Variants in ADAR observed in about 807,000 individuals in gnomAD.
ADAR encodes the protein adenosine deaminase RNA specific.
In ADAR, 41 loss-of-function variants were observed where a neutral mutation model predicts 113.2. That is an observed-to-expected ratio of 0.36 (90% CI 0.28 to 0.47). The LOEUF is 0.47. Ranked by LOEUF, ADAR falls within the 20% of genes least tolerant of loss-of-function variation. ADAR has a pLI of 1.00. For synonymous variants in ADAR, 605 were observed against 572.6 expected, an observed-to-expected ratio of 1.06 and a Z score of -0.81; for missense variants, 1,242 against 1,540.9, an observed-to-expected ratio of 0.81 and a Z score of 3.25.
Position 154,584,489 on chromosome 1 carries a change from A to C in ADAR, c.*317T>G, listed in dbSNP as rs886045335. On this transcript the variant is annotated 3_prime_UTR_variant, in exon 15 of 15. Transcript: ENST00000368474. ...AAGGGAAAGGAAATGGAAACAAATC[A>C]AAACAAAACTTTTAAGAGGAAATGG... 2.4e-5 allele frequency: 8 copies of C among 338,122 alleles called. No individual in the cohort carries two copies. The highest frequency in any genetic ancestry group is 4.4e-5 in the Non-Finnish European group (8 of 183,780). 20.9% of individuals were successfully genotyped at this position (338,122 alleles called of 1,614,324 possible).
Position 154,608,042 on chromosome 1 carries a change from G to C in ADAR, c.-36C>G. ...AGGCATTGCCCGGCCCGACCCGCCG[G>C]CGGCACGACCCTGGCCCGACCGCTG... On this transcript the variant is annotated 5_prime_UTR_variant, in exon 1 of 15. Transcript: ENST00000368474. 1 of 1,565,850 alleles carries C rather than the reference G, an allele frequency of 6.4e-7. No homozygotes were observed. Among genetic ancestry groups the C allele is most frequent in the Non-Finnish European group, 8.7e-7 (1 of 1,155,174 alleles).
intron 1 of ADAR, among the ~76,000 whole-genome samples, chr1:154,621,155 TAAAAC>T (rs1364768393): frequency 6.6e-6 from 1 of 152,288 alleles, no homozygotes; most frequent in Non-Finnish European, 1.5e-5. Context: ...TAAACATCCT[TAAAAC>T]AAAACATAGA....
At chr1:154,598,726 C>T (rs1477064221) in intron 2 of ADAR, 141 bp from the exon 3 acceptor site, 5 of 803,816 alleles carry the variant, frequency 6.2e-6, no homozygotes, top group Non-Finnish European at 1.0e-5. Flanking sequence ...CAAGGAACTC[C>T]TTCCTACTCC....
rs561179846 is a variant in ADAR, at chr1:154,604,268, T to A, written c.16-1642A>T. ...CTCCTGCTCTTTTCTGATGGTGACT[T>A]CCCTGTGTTTCTACAACTTCACTCC... On this transcript the variant is annotated intron_variant, in intron 1 of 14. Coordinates refer to ENST00000368474, the MANE Select transcript of ADAR (RefSeq NM_001111.5). Among the ~76,000 whole-genome samples, 17 of 152,354 alleles carry A rather than the reference T, an allele frequency of 1.1e-4. No homozygotes were observed. In the South Asian group the frequency reaches 3.5e-3, roughly 32 times the overall value.
intron 4 of ADAR, 29 bp downstream of exon 4, chr1:154,597,799 C>A: frequency 6.2e-7 from 1 of 1,613,888 alleles, no homozygotes; most frequent in Admixed American, 1.7e-5. Flanking sequence ...GAGAAAACCT[C>A]AGCTGGACAG....
chr1:154,601,012 C>A lies in ADAR; in HGVS notation c.1601+29G>T. Reference sequence around the variant, plus strand: ...GGAGCAAAAGCACCTGACCCCAACCCTAGGTACAGTTCCTGGGTGGTCTCT... The same window carrying A: ...GGAGCAAAAGCACCTGACCCCAACCATAGGTACAGTTCCTGGGTGGTCTCT... On this transcript the variant is annotated intron_variant, in intron 2 of 14. Transcript: ENST00000368474. This position sits in a 1 kb window ranked among gnomAD's most constrained non-coding sequence, Gnocchi z 4.7. The A allele has an allele frequency of 1.2e-6, 2 of 1,613,716 alleles. No homozygotes were observed. The highest frequency in any genetic ancestry group is 1.7e-6 in the Non-Finnish European group (2 of 1,180,030).
intron 11 of ADAR, among the ~76,000 whole-genome samples, chr1:154,587,691 T>G (rs891625891): frequency 1.3e-5 from 2 of 152,204 alleles, no homozygotes; most frequent in African/African-American, 4.8e-5. Context: ...CAGAGTCAAC[T>G]GCCAGCTAGA....
chr1:154,607,421 A>T (rs1227680924), intron 1 of ADAR, among the ~76,000 whole-genome samples: 1 of 152,190 alleles, frequency 6.6e-6, no homozygotes, highest in Non-Finnish European at 1.5e-5. Flanking sequence ...CCTACAGCTT[A>T]AGTGCCATTT....
intron 1 of ADAR, chr1:154,606,010 A>AT (rs1322784908): frequency 2.5e-5 from 23 of 937,828 alleles, no homozygotes; most frequent in South Asian, 4.9e-5. Flanking sequence ...TCACACGGTT[A>AT]TTTTTTTTCT....
At position 154,601,455 on chromosome 1, in the gene ADAR, G is replaced by A. The variant is rs1244706242; in HGVS notation, c.1187C>T (p.Thr396Ile). 1.2e-6 allele frequency: 2 copies of A among 1,614,084 alleles called. No homozygotes were observed. The highest frequency in any genetic ancestry group is 1.1e-5 in the South Asian group (1 of 91,086). Residue 396 changes from threonine to isoleucine, a missense_variant, in exon 2 of 15, where the codon ACA becomes ATA. Physicochemically the swap from Thr to Ile is moderately conservative, Grantham distance 89. Around this residue, in one of 2 missense-constraint regions of ADAR, gnomAD observed 462 missense variants for 483.1 expected, o/e 0.96. Coordinates refer to ENST00000368474, the MANE Select transcript of ADAR (RefSeq NM_001111.5). This position sits in a 1 kb window ranked among gnomAD's most constrained non-coding sequence, Gnocchi z 4.7. ...NAEFLTCNIP[T>I]SNASNNMVTT... Reference sequence around the variant, plus strand: ...TACCATGTTATTTGAGGCATTTGATGTGGGTATATTACAGGTGAGGAACTC... The same window carrying A: ...TACCATGTTATTTGAGGCATTTGATATGGGTATATTACAGGTGAGGAACTC...
chr1:154,602,348 ATG>A lies in ADAR; in HGVS notation c.292_293del (p.His98SerfsTer26). 1 of 1,608,930 alleles carries A rather than the reference ATG, an allele frequency of 6.2e-7. No homozygotes were observed. The highest frequency in any genetic ancestry group is 8.5e-7 in the Non-Finnish European group (1 of 1,177,298). ...VDIRGVPRGVHLRSQGLQRGF... is the reference protein window; with the variant it reads ...VDIRGVPRGVXLRSQGLQRGF... ...CTCTCTGGAGCCCCTGACTTCTGAG[ATG>A]CACGCCCCTGGGGACACCCCTGATG... On this transcript the variant is annotated frameshift_variant, in exon 2 of 15. Coordinates refer to ENST00000368474, the MANE Select transcript of ADAR (RefSeq NM_001111.5). LOFTEE classifies it high-confidence loss of function.
At chr1:154,585,637 G>C in intron 13 of ADAR, 116 bp downstream of exon 13, 2 of 997,482 alleles carry the variant, frequency 2.0e-6, no homozygotes, top group Non-Finnish European at 3.1e-6. Flanking sequence ...ATGTTCCCTT[G>C]TGGGCTACCA....
rs1696589285 is a variant in ADAR, at chr1:154,584,176, G to C, written c.*630C>G. On this transcript the variant is annotated 3_prime_UTR_variant, in exon 15 of 15. Coordinates refer to ENST00000368474, the MANE Select transcript of ADAR (RefSeq NM_001111.5). Reference sequence around the variant, plus strand: ...TGCAGCTGGCTAAAGTGCAGGATGGGAGGATGGCTGGGCATTATCTGCAGG... The same window carrying C: ...TGCAGCTGGCTAAAGTGCAGGATGGCAGGATGGCTGGGCATTATCTGCAGG... The C allele has an allele frequency of 6.6e-6, 1 of 152,590 alleles. No homozygotes were observed. Among genetic ancestry groups the C allele is most frequent in the Admixed American group, 6.5e-5 (1 of 15,318 alleles). The allele number at this position is 152,590 out of a possible 1,614,324, so 9.5% of individuals were successfully genotyped here.
chr1:154,601,465 T>C lies in ADAR; in HGVS notation c.1177A>G (p.Asn393Asp), dbSNP rs751288252. Residue 393 changes from asparagine (N) to aspartate (D), a missense_variant, in exon 2 of 15, where the codon AAT (asparagine) becomes GAT (aspartate). This residue lies in a region of ADAR where 462 missense variants were observed against 483.1 expected (regional missense o/e 0.96). Coordinates refer to ENST00000368474, the MANE Select transcript of ADAR (RefSeq NM_001111.5). This position sits in a 1 kb window ranked among gnomAD's most constrained non-coding sequence, Gnocchi z 4.7. ...TKRNAEFLTCNIPTSNASNNM... is the reference protein window; with the variant it reads ...TKRNAEFLTCDIPTSNASNNM... ...TTTGAGGCATTTGATGTGGGTATAT[T>C]ACAGGTGAGGAACTCTGCGTTTCTT... 1.9e-5 allele frequency: 30 copies of C among 1,614,096 alleles called. No individual in the cohort carries two copies. The Admixed American group carries it at 2.3e-4, about 13-fold the overall frequency.
At chr1:154,619,499 T>C (rs1698728899) in intron 1 of ADAR, among the ~76,000 whole-genome samples, 1 of 152,236 alleles carries the variant, frequency 6.6e-6, no homozygotes, top group African/African-American at 2.4e-5. Context: ...ATACTCCTGA[T>C]GATGTCTGAG....
Position 154,584,733 on chromosome 1 carries a change from A to C in ADAR, c.*73T>G. The C allele has an allele frequency of 7.8e-7, 1 of 1,274,058 alleles. No homozygotes were observed. The highest frequency in any genetic ancestry group is 1.1e-6 in the Non-Finnish European group (1 of 880,748). 78.9% of individuals were successfully genotyped at this position (1,274,058 alleles called of 1,614,324 possible). On this transcript the variant is annotated 3_prime_UTR_variant, in exon 15 of 15. Coordinates refer to ENST00000368474, the MANE Select transcript of ADAR (RefSeq NM_001111.5). ...GAAAAAAAAATCCCCTGACCATGTG[A>C]TGAGGAATGCTACGACCTACCTCTC... is the stretch of plus-strand genomic sequence containing the variant.
rs960699294 is a variant in ADAR, at chr1:154,583,971, T to C, written c.*835A>G. 2.6e-5 allele frequency: 4 copies of C among 152,246 alleles called. No individual in the cohort carries two copies. The highest frequency in any genetic ancestry group is 6.5e-5 in the Admixed American group (1 of 15,290). 9.4% of individuals were successfully genotyped at this position (152,246 alleles called of 1,614,324 possible). A position where few individuals can be genotyped will look rare whatever the true frequency, so the allele number is the denominator to read the frequency against. On this transcript the variant is annotated 3_prime_UTR_variant, in exon 15 of 15. Transcript: ENST00000368474. Reference sequence around the variant, plus strand: ...TTAGGAGAAGAGGCAGCTGGAAGCTTGGCAATATTCCAAGGCATGCCCGTG... The same window carrying C: ...TTAGGAGAAGAGGCAGCTGGAAGCTCGGCAATATTCCAAGGCATGCCCGTG...
intron 14 of ADAR, 66 bp from the exon 15 acceptor site, chr1:154,585,109 A>T: frequency 6.2e-7 from 1 of 1,611,792 alleles, no homozygotes; most frequent in Non-Finnish European, 8.5e-7. Flanking sequence ...CAGTGGAGAC[A>T]CCGTGGGAGG....
At chr1:154,611,256 C>A (rs971081589), upstream of ADAR, among the ~76,000 whole-genome samples, 2 of 152,172 alleles carry the variant, frequency 1.3e-5, no homozygotes, top group African/African-American at 4.8e-5. Context: ...CTGCTCCCCC[C>A]ACCCCTTTTA....
Sources: gnomAD v4.1 joint callset for allele counts (sites outside exome capture counted in the v4.1 genomes callset) on GRCh38, gnomAD v4.1.1 for gene constraint, gnomAD v4.1.1 regional missense constraint, Gnocchi (gnomAD v3.1) non-coding constraint, MANE v1.5 for transcripts, NCBI Gene and HGNC (gene_info 2026-07-23, HGNC 2026-07-21) for gene names.